TECTA: variants seen among roughly 807,000 people sequenced by gnomAD.
TECTA encodes the protein alpha-tectorin.
In TECTA, 128 loss-of-function variants were observed where a neutral mutation model predicts 216.8. The observed-to-expected ratio is 0.59, with a 90% CI of 0.51 to 0.68. The LOEUF (loss-of-function observed/expected upper bound fraction) is 0.68, where lower values mean the gene tolerates loss of function less well. TECTA is among the 30% of genes least tolerant of loss of function. The pLI is 0.00. For synonymous variants in TECTA, 1,089 were observed against 1,117.1 expected, an observed-to-expected ratio of 0.97 and a Z score of 0.50; for missense variants, 2,551 against 2,786.2, an observed-to-expected ratio of 0.92 and a Z score of 1.90.
chr11:121,175,102 C>T (rs188711912), intron 20 of TECTA, among the ~76,000 whole-genome samples: 2,645 of 152,076 alleles, frequency 0.017, 36 homozygotes, highest in Non-Finnish European at 0.028. Flanking sequence ...ATTAATCTTG[C>T]TAGCGGTCTA....
At position 121,137,109 on chromosome 11, in the gene TECTA, C is replaced by T. The variant is rs150909509; in HGVS notation, c.2942-312C>T. ...ACACATATACAGAGGCACACACATGCAATCACACACATGGATACTCACATG... is the reference window on the plus strand; with the variant it reads ...ACACATATACAGAGGCACACACATGTAATCACACACATGGATACTCACATG... On this transcript the variant is annotated intron_variant, in intron 10 of 23. Transcript: ENST00000392793. Among the ~76,000 whole-genome samples, 909 of 152,320 alleles carry T rather than the reference C, an allele frequency of 6.0e-3. 10 individuals carry two copies. Among genetic ancestry groups the T allele is most frequent in the African/African-American group, 0.021 (861 of 41,578 alleles).
In TECTA at chr11:121,126,486, A is replaced by G. The variant is rs140725927; in HGVS notation, c.1774+614A>G. Among the ~76,000 whole-genome samples, 91 of 152,278 alleles carry G rather than the reference A, an allele frequency of 6.0e-4. No individual in the cohort carries two copies. In the East Asian group the frequency reaches 0.011, roughly 18 times the overall value. On this transcript the variant is annotated intron_variant, in intron 8 of 23. Transcript: ENST00000392793. ...TGGATTAAGCATTTTGTACCATTTA[A>G]TTGTCTTAGTACTTTTTCCCTGTAT...
intron 7 of TECTA, among the ~76,000 whole-genome samples, chr11:121,124,594 G>A (rs749531411): frequency 3.9e-5 from 6 of 152,214 alleles, no homozygotes; most frequent in Non-Finnish European, 8.8e-5. Context: ...AGAGTATGCT[G>A]TAAGTATCGA....
chr11:121,125,476 C>T lies in TECTA; in HGVS notation c.1378C>T (p.Leu460Phe). 6.2e-7 allele frequency: 1 copy of T among 1,614,220 alleles called. No individual in the cohort carries two copies. The highest frequency in any genetic ancestry group is 8.5e-7 in the Non-Finnish European group (1 of 1,180,048). Residue 460 changes from leucine to phenylalanine, a missense_variant, in exon 8 of 24, where the codon CTC (leucine) becomes TTC (phenylalanine). Transcript: ENST00000392793. ...CTCCTATATAAACTCCACCTGTGGA[C>T]TCTGTGGAAACTATAATAAAAACCC... Reference protein sequence around the residue: ...PGSYINSTCGLCGNYNKNPLD... With the variant: ...PGSYINSTCGFCGNYNKNPLD...
chr11:121,131,467 T>C (rs1946674537), intron 10 of TECTA, among the ~76,000 whole-genome samples: 2 of 152,246 alleles, frequency 1.3e-5, no homozygotes, highest in Non-Finnish European at 2.9e-5. Context: ...TCATTATGCC[T>C]GTTTGTACCT....
chr11:121,138,214 A>C (rs936160500), intron 11 of TECTA, among the ~76,000 whole-genome samples, 192 bp downstream of exon 11: 1 of 152,188 alleles, frequency 6.6e-6, no homozygotes, highest in Admixed American at 6.5e-5. Flanking sequence ...CAGAGAAAAA[A>C]ATGATTTGCC....
Position 121,145,499 on chromosome 11 carries a change from G to A in TECTA, c.3544-56G>A, listed in dbSNP as rs1267540086. 18 of 1,586,644 alleles carry A rather than the reference G, an allele frequency of 1.1e-5. No homozygotes were observed. In the Middle Eastern group the frequency reaches 5.0e-4, roughly 44 times the overall value. On this transcript the variant is annotated intron_variant, in intron 11 of 23. Coordinates refer to ENST00000392793, the MANE Select transcript of TECTA (RefSeq NM_005422.4). ...TTCAAGAGACTCATCGTTAGGAGAA[G>A]AGCTGGGAAATCTCTGGGCCAACTG...
rs752380958 is a variant in TECTA at position 121,128,346 on chromosome 11, T to C, written c.2367+2T>C. The C allele has an allele frequency of 1.9e-6, 3 of 1,599,194 alleles. No individual in the cohort carries two copies. In the East Asian group the frequency reaches 6.7e-5, roughly 36 times the overall value. On this transcript the variant is annotated splice_donor_variant, in intron 9 of 23. Transcript: ENST00000392793. LOFTEE classifies it high-confidence loss of function. ...GGCATCGGGGCTTCGGAAGTCAAGG[T>C]AAGGCTCCTTGCTCCTTTGGAGGGG...
chr11:121,128,790 C>G (rs552862590), intron 9 of TECTA, among the ~76,000 whole-genome samples: 121 of 152,298 alleles, frequency 7.9e-4, no homozygotes, highest in Non-Finnish European at 1.4e-3. Context: ...CCCTTGCACC[C>G]TACTAACTCC....
At chr11:121,150,307 G>T (rs1946877232) in intron 12 of TECTA, among the ~76,000 whole-genome samples, 1 of 152,168 alleles carries the variant, frequency 6.6e-6, no homozygotes, top group Non-Finnish European at 1.5e-5. Flanking sequence ...CAAACTAGCT[G>T]GGAAAAGCTA....
At chr11:121,136,816 T>C (rs1946731545) in intron 10 of TECTA, among the ~76,000 whole-genome samples, 1 of 152,140 alleles carries the variant, frequency 6.6e-6, no homozygotes, top group South Asian at 2.1e-4. Context: ...TTAGATTTAT[T>C]TAAATCATTG....
intron 7 of TECTA, among the ~76,000 whole-genome samples, chr11:121,124,541 A>AT (rs749965461): frequency 3.1e-4 from 47 of 152,174 alleles, no homozygotes; most frequent in Non-Finnish European, 5.3e-4. Flanking sequence ...TTCAATGTTC[A>AT]TTTACTGCTC....
Position 121,113,158 on chromosome 11 carries a change from G to A in TECTA, c.573G>A (p.Gly191=). 1 of 1,613,988 alleles carries A rather than the reference G, an allele frequency of 6.2e-7. No individual in the cohort carries two copies. Among genetic ancestry groups the A allele is most frequent in the South Asian group, 1.1e-5 (1 of 91,042 alleles). The change falls in exon 5 of 24, where the codon GGG becomes GGA. Residue 191 remains glycine, a synonymous_variant. Transcript: ENST00000392793. The surrounding 1 kb of genome is among the most constrained non-coding windows in gnomAD (Gnocchi z 4.2). The part of the protein sequence containing the change: ...FNYYEINWTT[G]TASGGDPLTG... ...ATTACGAAATCAACTGGACCACGGG[G>A]ACGGCGAGTGGCGGCGACCCCCTGA... is the stretch of plus-strand genomic sequence containing the variant.
intron 20 of TECTA, among the ~76,000 whole-genome samples, chr11:121,185,315 A>G (rs1008339544): frequency 2.0e-4 from 30 of 150,414 alleles, no homozygotes; most frequent in African/African-American, 6.6e-4. Flanking sequence ...TAGATGTTCA[A>G]TGCTTAATGA....
intron 9 of TECTA, among the ~76,000 whole-genome samples, chr11:121,129,264 A>G (rs1346665947): frequency 1.3e-5 from 2 of 152,178 alleles, no homozygotes; most frequent in Non-Finnish European, 2.9e-5. Context: ...GTAAGACTGG[A>G]AGAGAAAAGC....
chr11:121,178,780 T>C (rs1039426664), intron 20 of TECTA, among the ~76,000 whole-genome samples: 2 of 152,168 alleles, frequency 1.3e-5, no homozygotes, highest in African/African-American at 4.8e-5. Context: ...TGTTATTAGT[T>C]ATTGGTCTGT....
intron 20 of TECTA, among the ~76,000 whole-genome samples, chr11:121,185,269 C>G (rs484314): frequency 1.3e-5 from 2 of 152,030 alleles, no homozygotes; most frequent in South Asian, 2.1e-4. Context: ...TTTAGGGAAA[C>G]CAGATGTTCA....
intron 2 of TECTA, among the ~76,000 whole-genome samples, chr11:121,104,649 G>A (rs1419653448): frequency 1.3e-5 from 2 of 152,174 alleles, no homozygotes; most frequent in Non-Finnish European, 2.9e-5. Context: ...TTCACCAAAA[G>A]CCTCCCAAAG....
chr11:121,188,315 A>C (rs1947307804), intron 21 of TECTA, among the ~76,000 whole-genome samples: 1 of 152,094 alleles, frequency 6.6e-6, no homozygotes, highest in Non-Finnish European at 1.5e-5. Context: ...AACATCCCTC[A>C]CCTCTACCCA....
Sources: allele counts gnomAD v4.1 joint callset (sites outside exome capture counted in the v4.1 genomes callset), GRCh38; gene constraint gnomAD v4.1.1; non-coding constraint Gnocchi (gnomAD v3.1); transcripts MANE v1.5; gene names NCBI Gene and HGNC (gene_info 2026-07-23, HGNC 2026-07-21).